Variants in SPATA6 observed in about 807,000 individuals in gnomAD.
SPATA6 encodes the protein spermatogenesis-associated protein 6.
SPATA6 carries 56 observed loss-of-function variants against 65.3 expected under a neutral mutation model. The observed-to-expected ratio is 0.86, with a 90% CI of 0.69 to 1.07. SPATA6 has a LOEUF of 1.07. SPATA6 is among the 50% of genes least tolerant of loss of function. SPATA6 has a pLI of 0.00. For synonymous variants in SPATA6, 199 were observed against 213.2 expected, an observed-to-expected ratio of 0.93 and a Z score of 0.58; for missense variants, 590 against 594.8, an observed-to-expected ratio of 0.99 and a Z score of 0.08.
chr1:48,444,447 AG>A, intron 3 of SPATA6, among the ~76,000 whole-genome samples: 1 of 152,142 alleles, frequency 6.6e-6, no homozygotes, highest in East Asian at 1.9e-4. Context: ...GTCTAGCTAA[AG>A]GACTGTAAAT....
intron 7 of SPATA6, among the ~76,000 whole-genome samples, chr1:48,397,726 C>T (rs144713240): frequency 4.0e-5 from 6 of 151,716 alleles, no homozygotes; most frequent in South Asian, 2.1e-4. Flanking sequence ...CAAACACAAT[C>T]GGAAAATCCA....
intron 7 of SPATA6, among the ~76,000 whole-genome samples, chr1:48,397,574 T>C (rs751635856): frequency 1.3e-5 from 2 of 151,698 alleles, no homozygotes; most frequent in Admixed American, 6.6e-5. Context: ...TTTCATACCA[T>C]GTACATTGAC....
intron 9 of SPATA6, among the ~76,000 whole-genome samples, chr1:48,378,581 G>A (rs141122346): frequency 1.0e-3 from 157 of 152,272 alleles, no homozygotes; most frequent in African/African-American, 3.7e-3. Context: ...TTACATGATG[G>A]TGGAAAGAGA....
At chr1:48,417,375 C>T (rs550621615) in intron 3 of SPATA6, among the ~76,000 whole-genome samples, 95 of 151,870 alleles carry the variant, frequency 6.3e-4, no homozygotes, top group Non-Finnish European at 1.2e-3. Context: ...GCTTAGACTG[C>T]GACACAGAAA....
At chr1:48,338,066 C>T (rs563308975) in intron 11 of SPATA6, among the ~76,000 whole-genome samples, 14 of 151,924 alleles carry the variant, frequency 9.2e-5, no homozygotes, top group African/African-American at 3.1e-4. Flanking sequence ...TAAAGAGTTA[C>T]TACAAACCTA....
chr1:48,312,096 G>A (rs1053988193), intron 11 of SPATA6, among the ~76,000 whole-genome samples: 1 of 152,170 alleles, frequency 6.6e-6, no homozygotes, highest in African/African-American at 2.4e-5. Context: ...GCCCACCACA[G>A]CTCAAGGAGG....
intron 9 of SPATA6, among the ~76,000 whole-genome samples, chr1:48,378,931 G>A (rs529394509): frequency 4.6e-5 from 7 of 152,106 alleles, no homozygotes; most frequent in South Asian, 2.1e-4. Flanking sequence ...GAATAAAGTC[G>A]TGTCATTTAT....
the SPATA6 span, among the ~76,000 whole-genome samples, chr1:48,263,676 T>C: frequency 6.6e-6 from 1 of 152,248 alleles, no homozygotes; most frequent in Non-Finnish European, 1.5e-5. Context: ...ACTTTAGTTC[T>C]CTCCATCCTT....
chr1:48,389,755 A>T (rs899438464), intron 8 of SPATA6, among the ~76,000 whole-genome samples: 6 of 152,206 alleles, frequency 3.9e-5, no homozygotes, highest in African/African-American at 1.4e-4. Flanking sequence ...ATTCATCACC[A>T]GTAAGCCAGC....
chr1:48,454,479 T>G (rs1180318787), intron 1 of SPATA6, among the ~76,000 whole-genome samples: 1 of 152,184 alleles, frequency 6.6e-6, no homozygotes, highest in Non-Finnish European at 1.5e-5. Flanking sequence ...GATTCACCAT[T>G]ATTCAAGTCA....
intron 9 of SPATA6, among the ~76,000 whole-genome samples, chr1:48,369,912 C>T (rs1243706418): frequency 6.6e-6 from 1 of 152,194 alleles, no homozygotes; most frequent in Non-Finnish European, 1.5e-5. Context: ...CCTATTCGGC[C>T]ATCTTGGCTC....
intron 11 of SPATA6, among the ~76,000 whole-genome samples, chr1:48,350,314 TC>T (rs991452447): frequency 4.0e-5 from 6 of 151,346 alleles, no homozygotes; most frequent in African/African-American, 1.5e-4. Flanking sequence ...TTTTTTTTTT[TC>T]CTAACTCTGG....
intron 3 of SPATA6, chr1:48,436,784 G>C (rs901758170): frequency 1.2e-6 from 2 of 1,614,044 alleles, no homozygotes; most frequent in Non-Finnish European, 1.7e-6. Flanking sequence ...GACATGCATA[G>C]AACTCAGATG....
intron 9 of SPATA6, among the ~76,000 whole-genome samples, chr1:48,373,058 C>T (rs985292822): frequency 1.3e-5 from 2 of 152,234 alleles, no homozygotes; most frequent in African/African-American, 4.8e-5. Context: ...GGGATTAACA[C>T]TAGGCTCCTT....
intron 11 of SPATA6, among the ~76,000 whole-genome samples, chr1:48,322,537 A>G (rs775024550): frequency 6.6e-6 from 1 of 152,238 alleles, no homozygotes; most frequent in Non-Finnish European, 1.5e-5. Context: ...AAACCCAAAA[A>G]GCAATGGCAA....
chr1:48,286,452 T>C, the SPATA6 span, among the ~76,000 whole-genome samples: 9 of 152,180 alleles, frequency 5.9e-5, no homozygotes, highest in African/African-American at 1.7e-4. Context: ...TTTTTATATT[T>C]CCCTTTCAGA....
chr1:48,378,119 A>G (rs930973859), intron 9 of SPATA6, among the ~76,000 whole-genome samples: 1 of 152,210 alleles, frequency 6.6e-6, no homozygotes, highest in African/African-American at 2.4e-5. Flanking sequence ...TTTCTATTAT[A>G]TTAAGTTTCC....
downstream of SPATA6, among the ~76,000 whole-genome samples, chr1:48,292,558 A>G: frequency 6.6e-6 from 1 of 152,212 alleles, no homozygotes; most frequent in Non-Finnish European, 1.5e-5. Context: ...GGCACTAACA[A>G]CCAAGACCAG....
intron 11 of SPATA6, chr1:48,355,433 T>C (rs1646630447): frequency 2.9e-6 from 1 of 342,042 alleles, no homozygotes; most frequent in African/African-American, 2.1e-5. Flanking sequence ...TATAAGATAA[T>C]TATCACTAAC....
Sources: gnomAD v4.1 joint callset for allele counts (sites outside exome capture counted in the v4.1 genomes callset) on GRCh38, gnomAD v4.1.1 for gene constraint, MANE v1.5 for transcripts, NCBI Gene and HGNC (gene_info 2026-07-23, HGNC 2026-07-21) for gene names.